Variants in ZNF79 observed in about 807,000 individuals in gnomAD.
ZNF79 encodes zinc finger protein 79, also known as ZNFpT7.
Under a neutral mutation model 14.9 loss-of-function variants are expected in ZNF79, and 13 were observed. The observed-to-expected ratio is 0.87, with a 90% CI of 0.57 to 1.38. ZNF79 has a LOEUF of 1.38. Among genes scored for constraint, ZNF79 ranks in the 40% most tolerant of loss-of-function variants. The probability of loss-of-function intolerance (pLI) is 0.00; values close to 1 mark genes in which losing one functional copy is unlikely to be tolerated. For missense variants in ZNF79, 631 were observed against 630.6 expected, an observed-to-expected ratio of 1.00 and a Z score of -0.01; for synonymous variants, 223 against 235.1, an observed-to-expected ratio of 0.95 and a Z score of 0.47.
At chr9:127,438,298 C>T (rs10987652) in intron 4 of ZNF79, among the ~76,000 whole-genome samples, 64,458 of 152,006 alleles carry the variant, frequency 0.42, 14,602 homozygotes, top group Non-Finnish European at 0.5. Flanking sequence ...GGGGTTCCCA[C>T]GACCCCCCTT....
At chr9:127,428,973 A>C in intron 2 of ZNF79, 53 bp downstream of exon 2, 3 of 1,201,260 alleles carry the variant, frequency 2.5e-6, no homozygotes, top group Non-Finnish European at 2.3e-6. Flanking sequence ...CCTAATACTA[A>C]TGGTAGGGTT....
intron 2 of ZNF79, among the ~76,000 whole-genome samples, chr9:127,434,597 GTA>G (rs1833913700): frequency 6.6e-6 from 1 of 152,164 alleles, no homozygotes; most frequent in African/African-American, 2.4e-5. Context: ...GTGTGTGTGT[GTA>G]TGTGTGAAAT....
intron 4 of ZNF79, among the ~76,000 whole-genome samples, chr9:127,440,730 A>G (rs1321777596): frequency 6.6e-6 from 1 of 152,146 alleles, no homozygotes; most frequent in Non-Finnish European, 1.5e-5. Context: ...TCTTGCAGAC[A>G]TGGGAATGTG....
Position 127,439,105 on chromosome 9 carries a change from C to T in ZNF79, c.328+3102C>T, listed in dbSNP as rs953448071. Among the ~76,000 whole-genome samples, 3 of 46,312 alleles carry T rather than the reference C, an allele frequency of 6.5e-5. No homozygotes were observed. In the Admixed American group the frequency reaches 6.8e-4, roughly 11 times the overall value. 30.4% of individuals were successfully genotyped at this position (46,312 alleles called of 152,430 possible). A position where few individuals can be genotyped will look rare whatever the true frequency, so the allele number is the denominator to read the frequency against. On this transcript the variant is annotated intron_variant, in intron 4 of 4. Coordinates refer to ENST00000342483, the MANE Select transcript of ZNF79 (RefSeq NM_007135.3). ...CCAGCCTGGGCGACTAAGCGAGACT[C>T]TGTCACAAAAAAAAAGAAAAAGAAA...
At chr9:127,433,834 A>C (rs1833900636) in intron 2 of ZNF79, among the ~76,000 whole-genome samples, 1 of 152,120 alleles carries the variant, frequency 6.6e-6, no homozygotes, top group Non-Finnish European at 1.5e-5. Flanking sequence ...TCTTTGATTC[A>C]TTCTCAGCTC....
At chr9:127,427,411 G>A (rs1218963507) in intron 1 of ZNF79, among the ~76,000 whole-genome samples, 6 of 142,368 alleles carry the variant, frequency 4.2e-5, no homozygotes, top group African/African-American at 2.6e-5. Flanking sequence ...CAACAAAAGC[G>A]AAACTCCGTC....
Position 127,435,232 on chromosome 9 carries a change from C to T in ZNF79, c.232+16C>T, listed in dbSNP as rs1833927041. The T allele has an allele frequency of 6.3e-7, 1 of 1,576,138 alleles. No homozygotes were observed. Among genetic ancestry groups the T allele is most frequent in the African/African-American group, 1.4e-5 (1 of 72,510 alleles). On this transcript the variant is annotated intron_variant, in intron 3 of 4. Coordinates refer to ENST00000342483, the MANE Select transcript of ZNF79 (RefSeq NM_007135.3). ...GTCCTACTAGGTAAGGAAACTGTTT[C>T]TTTAAGATTTAGAATCACTCAATTC...
chr9:127,433,529 C>T (rs914714656), intron 2 of ZNF79, among the ~76,000 whole-genome samples: 3 of 152,178 alleles, frequency 2.0e-5, no homozygotes, highest in Non-Finnish European at 2.9e-5. Flanking sequence ...CATCTGGCTA[C>T]CCTTGTCCTC....
chr9:127,434,258 C>T (rs10987650), intron 2 of ZNF79, among the ~76,000 whole-genome samples: 92,358 of 151,852 alleles, frequency 0.61, 28,433 homozygotes, highest in African/African-American at 0.64. Context: ...TCCCCGCCTT[C>T]CTGTTCTCCT....
intron 1 of ZNF79, 117 bp from the exon 2 acceptor site, chr9:127,428,715 A>T (rs1833805038): frequency 2.3e-6 from 3 of 1,294,174 alleles, no homozygotes; most frequent in Non-Finnish European, 3.0e-6. Context: ...ACATCACACT[A>T]CAGGTCTGCA....
chr9:127,444,682 A>G lies in ZNF79; in HGVS notation c.982A>G (p.Thr328Ala). Residue 328 changes from threonine (T) to alanine (A), a missense_variant, in exon 5 of 5, where the codon ACC (threonine) becomes GCC (alanine). Transcript: ENST00000342483. Reference protein sequence around the residue: ...ANLTNHQRTHTGEKPYKCSEC... With the variant: ...ANLTNHQRTHAGEKPYKCSEC... ...CCTCACGAACCATCAGAGGACTCAC[A>G]CCGGGGAGAAGCCCTACAAGTGCAG... The G allele has an allele frequency of 6.2e-7, 1 of 1,613,920 alleles. No individual in the cohort carries two copies. The highest frequency in any genetic ancestry group is 8.5e-7 in the Non-Finnish European group (1 of 1,179,920).
In ZNF79 at chr9:127,439,885, C is replaced by T. The variant is rs115526968; in HGVS notation, c.328+3882C>T. Among the ~76,000 whole-genome samples the T allele has an allele frequency of 5.6e-3, 859 of 152,070 alleles. 6 individuals carry two copies. Among genetic ancestry groups the T allele is most frequent in the African/African-American group, 0.02 (822 of 41,496 alleles). On this transcript the variant is annotated intron_variant, in intron 4 of 4. Coordinates refer to ENST00000342483, the MANE Select transcript of ZNF79 (RefSeq NM_007135.3). ...CTAATCTACTTTTTTTTTCTTGAGACGGAGTCTCATTCTGTCTCCCAGGCT... is the reference window on the plus strand; with the variant it reads ...CTAATCTACTTTTTTTTTCTTGAGATGGAGTCTCATTCTGTCTCCCAGGCT...
chr9:127,429,109 G>C (rs752424451), intron 2 of ZNF79, among the ~76,000 whole-genome samples, 189 bp downstream of exon 2: 1 of 152,128 alleles, frequency 6.6e-6, no homozygotes, highest in African/African-American at 2.4e-5. Context: ...CCACATGCTG[G>C]GTTCAAGCAA....
intron 4 of ZNF79, among the ~76,000 whole-genome samples, chr9:127,439,236 C>G (rs1230320559): frequency 6.6e-6 from 1 of 151,912 alleles, no homozygotes; most frequent in Non-Finnish European, 1.5e-5. Flanking sequence ...ACACGTATAT[C>G]TCATATCTCG....
chr9:127,425,946 A>G (rs1235291303), intron 1 of ZNF79, among the ~76,000 whole-genome samples: 1 of 152,146 alleles, frequency 6.6e-6, no homozygotes, highest in East Asian at 1.9e-4. Context: ...GCAATTTCAC[A>G]TCCAGTATTT....
At chr9:127,438,522 A>C (rs1248915179) in intron 4 of ZNF79, among the ~76,000 whole-genome samples, 1 of 152,132 alleles carries the variant, frequency 6.6e-6, no homozygotes, top group African/African-American at 2.4e-5. Flanking sequence ...GATTCATTGG[A>C]TAGGCGTGAT....
rs763974160 is a variant in ZNF79 at position 127,435,874 on chromosome 9, C to T, written c.233-34C>T. The stretch of plus-strand genomic sequence containing the variant: ...CTGGGTGGCTGTTCATACTTACTTA[C>T]AATTTCTAAAGCCTGTTTTTTCCCG... On this transcript the variant is annotated intron_variant, in intron 3 of 4. Coordinates refer to ENST00000342483, the MANE Select transcript of ZNF79 (RefSeq NM_007135.3). 6.3e-6 allele frequency: 10 copies of T among 1,591,500 alleles called. 2 individuals carry two copies. Among genetic ancestry groups the T allele is most frequent in the East Asian group, 4.5e-5 (2 of 44,754 alleles).
chr9:127,431,811 A>C (rs778288340), intron 2 of ZNF79, among the ~76,000 whole-genome samples: 2 of 152,194 alleles, frequency 1.3e-5, no homozygotes, highest in African/African-American at 2.4e-5. Context: ...CTAGCCAGCT[A>C]TCCCAGCATC....
chr9:127,432,293 G>A (rs753574029), intron 2 of ZNF79, among the ~76,000 whole-genome samples: 3 of 151,506 alleles, frequency 2.0e-5, no homozygotes, highest in Non-Finnish European at 2.9e-5. Flanking sequence ...GAATACAGGC[G>A]TCCGCCACCA....
Sources: allele counts gnomAD v4.1 joint callset (sites outside exome capture counted in the v4.1 genomes callset), GRCh38; gene constraint gnomAD v4.1.1; transcripts MANE v1.5; gene names NCBI Gene and HGNC (gene_info 2026-07-23, HGNC 2026-07-21).